Variants in RPH3A observed in about 807,000 individuals in gnomAD.
RPH3A encodes rabphilin-3A.
A neutral mutation model predicts 102.2 loss-of-function variants in RPH3A; 48 were observed. The ratio of observed to expected loss-of-function variants is 0.47; its 90% CI spans 0.37 to 0.60. The LOEUF (loss-of-function observed/expected upper bound fraction) is 0.60. Among genes scored for constraint, RPH3A ranks in the 20% least tolerant of loss-of-function variants. The pLI, the probability that RPH3A is intolerant of heterozygous loss-of-function variation, is 0.00. For missense variants in RPH3A, 781 were observed against 910.1 expected (o/e 0.86, Z 1.83); for synonymous variants, 310 against 324.3 (o/e 0.96, Z 0.47).
In RPH3A at chr12:112,869,784, G is replaced by A. The variant is rs371895375; in HGVS notation, c.636G>A (p.Pro212=). The change falls in exon 9 of 22, where the codon CCG becomes CCA. Residue 212 remains proline (P), a synonymous_variant. Coordinates refer to ENST00000389385, the MANE Select transcript of RPH3A (RefSeq NM_001143854.2). ...GTGACAGTGAAGATAGGAGGGGCCC[G>A]GGTCAGAAGACAGGTGGGTTCTGCT... The part of the protein sequence containing the change: ...ARGDSEDRRG[P]GQKTGPDPAS... 3.3e-5 allele frequency: 53 copies of A among 1,614,112 alleles called. No homozygotes were observed. The highest frequency in any genetic ancestry group is 3.3e-4 in the Middle Eastern group (2 of 6,060).
intron 1 of RPH3A, among the ~76,000 whole-genome samples, chr12:112,716,142 C>T (rs139347935): frequency 1.3e-5 from 2 of 152,096 alleles, no homozygotes; most frequent in African/African-American, 4.8e-5. Flanking sequence ...AGGTTTTGGC[C>T]GCCTCCCTTA....
At chr12:112,729,482 G>A (rs900382061) in intron 1 of RPH3A, among the ~76,000 whole-genome samples, 2 of 151,860 alleles carry the variant, frequency 1.3e-5, no homozygotes, top group East Asian at 1.9e-4. Context: ...CGCTGCACTC[G>A]GCATACAAAG....
intron 1 of RPH3A, among the ~76,000 whole-genome samples, chr12:112,713,017 C>CTTCTTCT (rs1565857231): frequency 1.8e-4 from 11 of 60,712 alleles, no homozygotes; most frequent in African/African-American, 8.5e-4. Context: ...CTTCCTCTTC[C>CTTCTTCT]TCTTCCTCTT....
intron 1 of RPH3A, among the ~76,000 whole-genome samples, chr12:112,649,215 T>C (rs930367665): frequency 3.9e-5 from 6 of 152,386 alleles, no homozygotes; most frequent in Non-Finnish European, 7.3e-5. Context: ...CATTCCATTT[T>C]ATTACCTTTC....
chr12:112,677,631 A>G (rs552208987), intron 1 of RPH3A, among the ~76,000 whole-genome samples: 1 of 151,784 alleles, frequency 6.6e-6, no homozygotes, highest in South Asian at 2.1e-4. Context: ...ATGACCTCGA[A>G]TAGGTTGTTT....
chr12:112,731,816 G>C (rs1296530090), intron 1 of RPH3A, among the ~76,000 whole-genome samples: 2 of 152,182 alleles, frequency 1.3e-5, no homozygotes, highest in African/African-American at 2.4e-5. Context: ...CCCAAAGACA[G>C]CAAATATTTC....
intron 1 of RPH3A, among the ~76,000 whole-genome samples, chr12:112,780,784 G>A (rs2041002456): frequency 6.6e-6 from 1 of 152,110 alleles, no homozygotes; most frequent in African/African-American, 2.4e-5. Context: ...TATCAGAATG[G>A]CCAACAAGGA....
At chr12:112,694,253 A>G (rs1420741557) in intron 1 of RPH3A, among the ~76,000 whole-genome samples, 2 of 152,184 alleles carry the variant, frequency 1.3e-5, no homozygotes, top group Non-Finnish European at 2.9e-5. Context: ...ATTTGGTGGA[A>G]TTTGGTGGGA....
At chr12:112,625,063 A>G (rs1672727814) in intron 1 of RPH3A, among the ~76,000 whole-genome samples, 1 of 109,876 alleles carries the variant, frequency 9.1e-6, no homozygotes, top group Admixed American at 1.1e-4. Flanking sequence ...ATTTCAAAAT[A>G]ATAAGAGCTA....
chr12:112,714,571 T>C (rs1655879182), intron 1 of RPH3A, among the ~76,000 whole-genome samples: 1 of 152,224 alleles, frequency 6.6e-6, no homozygotes, highest in Non-Finnish European at 1.5e-5. Context: ...AGGCATTTGA[T>C]TGAGTTGCTT....
intron 4 of RPH3A, among the ~76,000 whole-genome samples, chr12:112,841,055 C>T (rs1565912672): frequency 6.6e-6 from 1 of 151,394 alleles, no homozygotes; most frequent in East Asian, 1.9e-4. Flanking sequence ...GAATGAAGCC[C>T]TGTTAAGCTT....
intron 1 of RPH3A, among the ~76,000 whole-genome samples, chr12:112,736,690 C>G (rs2040672059): frequency 6.6e-6 from 1 of 152,178 alleles, no homozygotes; most frequent in Non-Finnish European, 1.5e-5. Flanking sequence ...ATACTAGGTG[C>G]TTAATATATG....
chr12:112,643,212 G>A (rs2039903340), intron 1 of RPH3A, among the ~76,000 whole-genome samples: 1 of 152,182 alleles, frequency 6.6e-6, no homozygotes, highest in Non-Finnish European at 1.5e-5. Flanking sequence ...TTGCCTATGA[G>A]GATGAAGAGG....
In RPH3A at chr12:112,661,948, G is replaced by A. The variant is rs574361093; in HGVS notation, c.-140+86629G>A. Among the ~76,000 whole-genome samples the A allele has an allele frequency of 1.2e-4, 19 of 152,278 alleles. 1 individual carries two copies. In the South Asian group the frequency reaches 3.7e-3, roughly 30 times the overall value. The stretch of plus-strand genomic sequence containing the variant: ...TGAGGTGCAGCTGTACACCTGAGGT[G>A]TTTGAACATCAAAGCAGGGATCATC... On this transcript the variant is annotated intron_variant, in intron 1 of 21. Transcript: ENST00000543106.
intron 1 of RPH3A, among the ~76,000 whole-genome samples, chr12:112,648,570 C>CAAAAGAAAAAAAA (rs2039949673): frequency 9.1e-5 from 1 of 11,046 alleles, no homozygotes; most frequent in Non-Finnish European, 1.5e-4. Context: ...CCCATCTCTA[C>CAAAAGAAAAAAAA]AAAAAAAAAA....
chr12:112,764,675 G>A (rs2040876138), intron 1 of RPH3A, among the ~76,000 whole-genome samples: 1 of 151,224 alleles, frequency 6.6e-6, no homozygotes, highest in Non-Finnish European at 1.5e-5. Context: ...CTCTCTACCT[G>A]AGGTATTATT....
At chr12:112,813,290 A>C (rs1377741833) in intron 2 of RPH3A, 1 of 152,202 alleles carries the variant, frequency 6.6e-6, no homozygotes, top group Non-Finnish European at 1.5e-5. Flanking sequence ...CTCCATCTAC[A>C]GTACTTGATG....
At chr12:112,788,933 C>A (rs1424157826), upstream of RPH3A, among the ~76,000 whole-genome samples, 5 of 152,102 alleles carry the variant, frequency 3.3e-5, no homozygotes, top group Admixed American at 1.3e-4. Context: ...TCGACGTGGG[C>A]AGGTCGCTTG....
chr12:112,630,092 C>T (rs2039793436), intron 1 of RPH3A, among the ~76,000 whole-genome samples: 1 of 152,040 alleles, frequency 6.6e-6, no homozygotes, highest in Admixed American at 6.6e-5. Context: ...ATCCTCCTGT[C>T]CATCTATCTG....
Sources: allele counts gnomAD v4.1 joint callset (sites outside exome capture counted in the v4.1 genomes callset), GRCh38; gene constraint gnomAD v4.1.1; transcripts MANE v1.5; gene names NCBI Gene and HGNC (gene_info 2026-07-23, HGNC 2026-07-21).